The following WDCP variants were observed in gnomAD, a reference collection of about 807,000 sequenced individuals.
WDCP encodes the protein WD repeat and coiled-coil-containing protein.
WDCP carries 19 observed loss-of-function variants against 41.6 expected under a neutral mutation model. The observed-to-expected ratio is 0.46, with a 90% CI of 0.32 to 0.67. WDCP has a LOEUF of 0.67. Ranked by LOEUF, WDCP falls within the 30% of genes least tolerant of loss-of-function variation. The pLI is 0.04. For synonymous variants in WDCP, 302 were observed against 320.8 expected, an observed-to-expected ratio of 0.94 and a Z score of 0.63; for missense variants, 802 against 850.7, an observed-to-expected ratio of 0.94 and a Z score of 0.71.
chr2:24,032,954 T>TA lies in WDCP; in HGVS notation c.1819-9dup. ...ACCTAGATAATAAGGTTTCTGCAAATAAAAAATAAAAGTTGTTAAACTGAT... is the reference window on the plus strand; with the variant it reads ...ACCTAGATAATAAGGTTTCTGCAAATAAAAAAATAAAAGTTGTTAAACTGAT... On this transcript the variant is annotated splice_polypyrimidine_tract_variant and intron_variant, in intron 2 of 3. Coordinates refer to ENST00000295148, the MANE Select transcript of WDCP (RefSeq NM_025203.3). 6.6e-7 allele frequency: 1 copy of TA among 1,517,852 alleles called. No individual in the cohort carries two copies. The highest frequency in any genetic ancestry group is 9.1e-7 in the Non-Finnish European group (1 of 1,093,994). The allele number at this position is 1,517,852 out of a possible 1,614,324, so 94.0% of individuals were successfully genotyped here.
Position 24,046,720 on chromosome 2 carries a change from A to C in WDCP, c.-19+594T>G, listed in dbSNP as rs1663637415. ...TTACACTTATTTGGAAACAAAAATC[A>C]TACACAAGAAAAAAATTAAGAAGAG... On this transcript the variant is annotated intron_variant, in intron 1 of 3. Transcript: ENST00000295148. 2.0e-5 allele frequency among the ~76,000 whole-genome samples: 3 copies of C among 152,210 alleles called. No homozygotes were observed. The South Asian group carries it at 6.2e-4, about 31-fold the overall frequency.
chr2:24,035,594 C>A (rs1663219062), intron 2 of WDCP, among the ~76,000 whole-genome samples: 1 of 151,984 alleles, frequency 6.6e-6, no homozygotes, highest in Admixed American at 6.6e-5. Flanking sequence ...CCAGTTATCA[C>A]ATTTATAAAT....
chr2:24,035,328 C>T lies in WDCP; in HGVS notation c.1818+2349G>A, dbSNP rs185775231. On this transcript the variant is annotated intron_variant, in intron 2 of 3. Coordinates refer to ENST00000295148, the MANE Select transcript of WDCP (RefSeq NM_025203.3). ...GTATATCACCTTCCCTTTTGTGTAACAAAAGGGGAAATAAAAATACATAAC... is the reference window on the plus strand; with the variant it reads ...GTATATCACCTTCCCTTTTGTGTAATAAAAGGGGAAATAAAAATACATAAC... Among the ~76,000 whole-genome samples, 56 of 129,754 alleles carry T rather than the reference C, an allele frequency of 4.3e-4. No homozygotes were observed. In the East Asian group the frequency reaches 0.011, roughly 25 times the overall value. 85.1% of individuals were successfully genotyped at this position (129,754 alleles called of 152,430 possible). A position where few individuals can be genotyped will look rare whatever the true frequency, so the allele number is the denominator to read the frequency against.
In WDCP at chr2:24,039,460, C is replaced by G; in HGVS notation, c.35G>C (p.Gly12Ala). 6.2e-7 allele frequency: 1 copy of G among 1,614,160 alleles called. No individual in the cohort carries two copies. The highest frequency in any genetic ancestry group is 1.7e-5 in the Admixed American group (1 of 60,028). ...ELGKGKLLRT[G>A]LNALHQAVHP... ...CACTGCTTGATGCAACGCATTCAGT[C>G]CAGTCCTGAGTAGTTTTCCTTTTCC... Residue 12 changes from glycine to alanine, a missense_variant, in exon 2 of 4, where the codon GGA becomes GCA. Around this residue, in one of 5 missense-constraint regions of WDCP, gnomAD observed 214 missense variants for 252.9 expected, o/e 0.85. Transcript: ENST00000295148.
chr2:24,039,441 T>G lies in WDCP; in HGVS notation c.54A>C (p.Gln18His). The G allele has an allele frequency of 6.2e-7, 1 of 1,614,252 alleles. No individual in the cohort carries two copies. Among genetic ancestry groups the G allele is most frequent in the East Asian group, 2.2e-5 (1 of 44,890 alleles). ...LLRTGLNALH[Q>H]AVHPIHGLAW... ...CAAGGCCATGGATCGGATGCACTGC[T>G]TGATGCAACGCATTCAGTCCAGTCC... Residue 18 changes from glutamine (Q) to histidine (H), a missense_variant, in exon 2 of 4, where the codon CAA (glutamine) becomes CAC (histidine). By Grantham distance (24) the Gln-to-His change is conservative (BLOSUM62 0). This residue lies in a region of WDCP where 214 missense variants were observed against 252.9 expected (regional missense o/e 0.85). Transcript: ENST00000295148.
At chr2:24,046,798 T>C (rs1663640509) in intron 1 of WDCP, among the ~76,000 whole-genome samples, 1 of 152,244 alleles carries the variant, frequency 6.6e-6, no homozygotes, top group African/African-American at 2.4e-5. Context: ...CTCTAGACTC[T>C]TCTATGCATA....
chr2:24,047,318 G>A lies in WDCP; in HGVS notation c.-23C>T, dbSNP rs1014565194. ...GCAGCAGTGGAGATGAAATACCTTAGGTCTCACTGCCTCACAAAAACACCA... is the reference window on the plus strand; with the variant it reads ...GCAGCAGTGGAGATGAAATACCTTAAGTCTCACTGCCTCACAAAAACACCA... On this transcript the variant is annotated 5_prime_UTR_variant, in exon 1 of 4. Transcript: ENST00000295148. The A allele has an allele frequency of 4.6e-5, 7 of 151,904 alleles. No individual in the cohort carries two copies. The highest frequency in any genetic ancestry group is 2.0e-4 in the Admixed American group (3 of 15,226). 9.4% of individuals were successfully genotyped at this position (151,904 alleles called of 1,614,324 possible). A position where few individuals can be genotyped will look rare whatever the true frequency, so the allele number is the denominator to read the frequency against.
Position 24,038,295 on chromosome 2 carries a change from T to C in WDCP, c.1200A>G (p.Leu400=), listed in dbSNP as rs1377844015. Residue 400 remains leucine, a synonymous_variant, in exon 2 of 4, where the codon CTA becomes CTG. Transcript: ENST00000295148. Reference sequence around the variant, plus strand: ...TGAGTTTTTGTTTTCCTACCAAAATTAGTAATAGTTGGTCTGTCAAGAAAC... The same window carrying C: ...TGAGTTTTTGTTTTCCTACCAAAATCAGTAATAGTTGGTCTGTCAAGAAAC... The part of the protein sequence containing the change: ...GICFLTDQLL[L]ILVGKQKLTD... 6.2e-7 allele frequency: 1 copy of C among 1,614,200 alleles called. No homozygotes were observed. The highest frequency in any genetic ancestry group is 2.2e-5 in the East Asian group (1 of 44,874).
At position 24,037,777 on chromosome 2, in the gene WDCP, C is replaced by A. The variant is rs200971514; in HGVS notation, c.1718G>T (p.Arg573Leu). 28 of 1,614,146 alleles carry A rather than the reference C, an allele frequency of 1.7e-5. No individual in the cohort carries two copies. The highest frequency in any genetic ancestry group is 1.7e-4 in the Admixed American group (10 of 60,020). ...ACGGTTTGTAAGTTCAGAAAGACACCGTTGCATTTCAACCAGGTTCCTAGA... is the reference window on the plus strand; with the variant it reads ...ACGGTTTGTAAGTTCAGAAAGACACAGTTGCATTTCAACCAGGTTCCTAGA... ...ILSRNLVEMQ[R>L]CLSELTNRLH... Residue 573 changes from arginine (R) to leucine (L), a missense_variant, in exon 2 of 4, where the codon CGG becomes CTG. Physicochemically the swap from Arg to Leu is moderately radical, Grantham distance 102 (BLOSUM62 -2). Transcript: ENST00000295148.
intron 2 of WDCP, among the ~76,000 whole-genome samples, chr2:24,036,975 T>C (rs549539063): frequency 1.3e-5 from 2 of 152,386 alleles, no homozygotes; most frequent in Admixed American, 1.3e-4. Context: ...ACTTATATAA[T>C]GTTTGGACAT....
chr2:24,035,397 G>T (rs560571580), intron 2 of WDCP, among the ~76,000 whole-genome samples: 1 of 152,030 alleles, frequency 6.6e-6, no homozygotes, highest in East Asian at 1.9e-4. Flanking sequence ...AATAAAAATG[G>T]TTACCTAAAG....
chr2:24,042,127 T>C (rs549308351), intron 1 of WDCP, among the ~76,000 whole-genome samples: 12 of 151,966 alleles, frequency 7.9e-5, no homozygotes, highest in African/African-American at 2.7e-4. Context: ...AAAGCCTGGG[T>C]GTGGCAGCTC....
chr2:24,031,597 C>T (rs1161479473), intron 3 of WDCP, among the ~76,000 whole-genome samples: 1 of 152,000 alleles, frequency 6.6e-6, no homozygotes, highest in Non-Finnish European at 1.5e-5. Context: ...GAGGCCGAGG[C>T]GGGCAGATCT....
intron 2 of WDCP, among the ~76,000 whole-genome samples, chr2:24,037,008 A>C (rs554003807): frequency 1.3e-5 from 2 of 152,258 alleles, no homozygotes; most frequent in Non-Finnish European, 2.9e-5. Flanking sequence ...AAATGCATCA[A>C]AACATTTTAA....
At position 24,032,925 on chromosome 2, in the gene WDCP, C is replaced by T. The variant is rs375135605; in HGVS notation, c.1840G>A (p.Val614Ile). ...AGAAGCACCGCTCTTTTTTCAACAA[C>T]AGGACCTAGATAATAAGGTTTCTGC... Reference protein sequence around the residue: ...IYQKPYYLGPVVEKRAVLLCD... With the variant: ...IYQKPYYLGPIVEKRAVLLCD... The change falls in exon 3 of 4, where the codon GTT (valine) becomes ATT (isoleucine). Residue 614 changes from valine to isoleucine, a missense_variant. Physicochemically the swap from Val to Ile is conservative, Grantham distance 29. Coordinates refer to ENST00000295148, the MANE Select transcript of WDCP (RefSeq NM_025203.3). The T allele has an allele frequency of 6.8e-6, 11 of 1,608,942 alleles. No individual in the cohort carries two copies. Among genetic ancestry groups the T allele is most frequent in the African/African-American group, 4.0e-5 (3 of 74,778 alleles).
Position 24,036,105 on chromosome 2 carries a change from T to TAAATAAATAAAA in WDCP, c.1818+1571_1818+1572insTTTTATTTATTT, listed in dbSNP as rs1553317307. 1.5e-4 allele frequency among the ~76,000 whole-genome samples: 22 copies of TAAATAAATAAAA among 145,822 alleles called. 1 individual carries two copies. The highest frequency in any genetic ancestry group is 4.2e-4 in the African/African-American group (16 of 38,458). On this transcript the variant is annotated intron_variant, in intron 2 of 3. Transcript: ENST00000295148. ...ATAAATAAATAAATAAATAAATAAA[T>TAAATAAATAAAA]AAAATAAAATGCTCCTCACAGCAAA... is the stretch of plus-strand genomic sequence containing the variant.
chr2:24,032,506 AAAACAAAC>A (rs1288204758), intron 3 of WDCP, among the ~76,000 whole-genome samples: 2 of 152,102 alleles, frequency 1.3e-5, no homozygotes, highest in African/African-American at 4.8e-5. Context: ...CCATCTCCAA[AAAACAAAC>A]AAACAAACAA....
chr2:24,042,304 G>A (rs755368504), intron 1 of WDCP, among the ~76,000 whole-genome samples: 2 of 152,010 alleles, frequency 1.3e-5, no homozygotes, highest in African/African-American at 2.4e-5. Context: ...TTGGGAGGCC[G>A]AGGCAGGCGG....
rs142256438 is a variant in WDCP at position 24,038,727 on chromosome 2, T to G, written c.768A>C (p.Glu256Asp). ...MTPYALPVIG[E>D]VRSMDKEATD... The stretch of plus-strand genomic sequence containing the variant: ...TTGCCTCTTTATCCATAGAGCGTAC[T>G]TCACCAATAACTGGTAAAGCATACG... Residue 256 changes from glutamate (E) to aspartate (D), a missense_variant, in exon 2 of 4, where the codon GAA (glutamate) becomes GAC (aspartate). By Grantham distance (45) the Glu-to-Asp change is conservative (BLOSUM62 2). This residue lies in a region of WDCP where 247 missense variants were observed against 240.5 expected (regional missense o/e 1.03). Transcript: ENST00000295148. 9.3e-6 allele frequency: 15 copies of G among 1,614,254 alleles called. No homozygotes were observed. Among genetic ancestry groups the G allele is most frequent in the Non-Finnish European group, 1.3e-5 (15 of 1,180,032 alleles).
Sources: gnomAD v4.1 joint callset for allele counts (sites outside exome capture counted in the v4.1 genomes callset) on GRCh38, gnomAD v4.1.1 for gene constraint, gnomAD v4.1.1 regional missense constraint, MANE v1.5 for transcripts, NCBI Gene and HGNC (gene_info 2026-07-23, HGNC 2026-07-21) for gene names.